Variants in PEAK1 observed in about 807,000 individuals in gnomAD.
PEAK1 encodes the protein inactive tyrosine-protein kinase PEAK1.
PEAK1 carries 54 observed loss-of-function variants against 124.7 expected under a neutral mutation model. The ratio of observed to expected loss-of-function variants is 0.43; its 90% CI spans 0.35 to 0.54. The LOEUF is 0.54. Ranked by LOEUF, PEAK1 falls within the 20% of genes least tolerant of loss-of-function variation. PEAK1 has a pLI of 0.01. For synonymous variants in PEAK1, 719 were observed against 760.0 expected, an observed-to-expected ratio of 0.95 and a Z score of 0.89; for missense variants, 2,046 against 2,134.5, an observed-to-expected ratio of 0.96 and a Z score of 0.82.
At chr15:77,272,981 A>G (rs1377323687) in intron 5 of PEAK1, among the ~76,000 whole-genome samples, 1 of 152,226 alleles carries the variant, frequency 6.6e-6, no homozygotes, top group Non-Finnish European at 1.5e-5. Context: ...AATGTGATAC[A>G]CCACAGAAAA....
intron 2 of PEAK1, among the ~76,000 whole-genome samples, chr15:77,293,657 T>C (rs1312260814): frequency 6.6e-6 from 1 of 152,206 alleles, no homozygotes; most frequent in African/African-American, 2.4e-5. Context: ...GTAGTTATAA[T>C]TACTAAGAGA....
At chr15:77,159,053 A>G (rs2055402226) in intron 7 of PEAK1, among the ~76,000 whole-genome samples, 1 of 152,222 alleles carries the variant, frequency 6.6e-6, no homozygotes, top group Admixed American at 6.5e-5. Context: ...AGTATTTACT[A>G]TACTTACTAA....
intron 2 of PEAK1, chr15:77,346,161 A>G (rs1222057375): frequency 3.1e-6 from 3 of 980,580 alleles, no homozygotes; most frequent in African/African-American, 3.5e-5. Flanking sequence ...CACCAATACC[A>G]ATAAATAAAT....
intron 2 of PEAK1, among the ~76,000 whole-genome samples, chr15:77,324,124 C>T (rs992684561): frequency 2.6e-5 from 4 of 152,194 alleles, no homozygotes; most frequent in Non-Finnish European, 5.9e-5. Flanking sequence ...CTCTGTACTC[C>T]TAATACTTGG....
chr15:77,137,220 A>T (rs910082688), intron 8 of PEAK1, among the ~76,000 whole-genome samples: 7 of 152,202 alleles, frequency 4.6e-5, no homozygotes, highest in African/African-American at 1.7e-4. Context: ...AACCTCTGCT[A>T]GGGCAGTGTG....
intron 2 of PEAK1, among the ~76,000 whole-genome samples, chr15:77,343,030 A>G (rs2066639277): frequency 1.3e-5 from 2 of 152,314 alleles, no homozygotes; most frequent in Admixed American, 1.3e-4. Flanking sequence ...TTTTGAAAAA[A>G]TGCCATACTG....
At chr15:77,414,436 G>T in intron 1 of PEAK1, among the ~76,000 whole-genome samples, 1 of 147,342 alleles carries the variant, frequency 6.8e-6, no homozygotes. Context: ...TGCCCAGGCT[G>T]ATCTTAATGT....
chr15:77,364,349 A>G (rs1423928005), intron 2 of PEAK1, among the ~76,000 whole-genome samples: 1 of 152,242 alleles, frequency 6.6e-6, no homozygotes, highest in African/African-American at 2.4e-5. Context: ...TAATATGAAT[A>G]CATGATGTTA....
chr15:77,263,891 T>A (rs1021637215), intron 5 of PEAK1, among the ~76,000 whole-genome samples: 2 of 152,032 alleles, frequency 1.3e-5, no homozygotes, highest in Non-Finnish European at 2.9e-5. Context: ...CAGCAGCACA[T>A]CCAAAAGCTT....
At chr15:77,420,152 C>A, upstream of PEAK1, 1 of 150,792 alleles carries the variant, frequency 6.6e-6, no homozygotes, top group South Asian at 1.8e-4. Flanking sequence ...ACCGCGCGCT[C>A]CCGGCCGCTC....
chr15:77,375,943 G>A (rs1470501013), intron 1 of PEAK1, among the ~76,000 whole-genome samples: 4 of 151,934 alleles, frequency 2.6e-5, no homozygotes, highest in African/African-American at 9.7e-5. Flanking sequence ...AGCCTGCAGT[G>A]AGCCGAGATC....
chr15:77,126,149 ATTAT>A (rs1330956280), intron 9 of PEAK1, among the ~76,000 whole-genome samples: 1 of 152,188 alleles, frequency 6.6e-6, no homozygotes, highest in African/African-American at 2.4e-5. Context: ...TGACATAGGA[ATTAT>A]TTGAGTATTA....
intron 5 of PEAK1, among the ~76,000 whole-genome samples, chr15:77,261,114 C>A (rs1424640104): frequency 6.6e-6 from 1 of 152,116 alleles, no homozygotes; most frequent in African/African-American, 2.4e-5. Flanking sequence ...CACCAAAACC[C>A]CATCTGTATG....
At chr15:77,190,213 T>C (rs1375616815) in intron 6 of PEAK1, among the ~76,000 whole-genome samples, 1 of 152,180 alleles carries the variant, frequency 6.6e-6, no homozygotes, top group Non-Finnish European at 1.5e-5. Flanking sequence ...ATTTATAATT[T>C]AGACTTTTAA....
intron 1 of PEAK1, among the ~76,000 whole-genome samples, chr15:77,394,317 T>C (rs2070724516): frequency 6.6e-6 from 1 of 152,188 alleles, no homozygotes; most frequent in Non-Finnish European, 1.5e-5. Context: ...CCATGGGCCT[T>C]GAGTGAGAGC....
chr15:77,352,478 G>C (rs930604900), intron 2 of PEAK1: 1 of 985,072 alleles, frequency 1.0e-6, no homozygotes, highest in African/African-American at 1.7e-5. Context: ...AGAGGAAATG[G>C]GGGCTATGGA....
Position 77,339,654 on chromosome 15 carries a change from T to A in PEAK1, c.-603+25509A>T, listed in dbSNP as rs906870845. 2.4e-4 allele frequency among the ~76,000 whole-genome samples: 37 copies of A among 152,260 alleles called. 1 individual carries two copies. Among genetic ancestry groups the A allele is most frequent in the African/African-American group, 8.7e-4 (36 of 41,546 alleles). On this transcript the variant is annotated intron_variant, in intron 2 of 9. Transcript: ENST00000682557. Reference sequence around the variant, plus strand: ...AAAGCACTATCCAAGAAAAACAAACTGGTAAGTTGGACATCATTAAAACTT... The same window carrying A: ...AAAGCACTATCCAAGAAAAACAAACAGGTAAGTTGGACATCATTAAAACTT...
chr15:77,342,872 C>A (rs1597370495), intron 2 of PEAK1, among the ~76,000 whole-genome samples: 2 of 152,162 alleles, frequency 1.3e-5, no homozygotes, highest in Admixed American at 6.5e-5. Flanking sequence ...TGATGGACAT[C>A]TGGGTACCTT....
chr15:77,231,945 A>AAAAAC (rs946963468), intron 6 of PEAK1, among the ~76,000 whole-genome samples: 10 of 152,298 alleles, frequency 6.6e-5, no homozygotes, highest in South Asian at 2.1e-4. Flanking sequence ...GTGAAATTTG[A>AAAAAC]AAAACAAAAC....
Sources: allele counts gnomAD v4.1 joint callset (sites outside exome capture counted in the v4.1 genomes callset), GRCh38; gene constraint gnomAD v4.1.1; transcripts MANE v1.5; gene names NCBI Gene and HGNC (gene_info 2026-07-23, HGNC 2026-07-21).